The following ARHGEF9 variants were observed in gnomAD, a reference collection of about 807,000 sequenced individuals.
ARHGEF9 encodes rho guanine nucleotide exchange factor 9.
ARHGEF9 carries 2 observed loss-of-function variants against 41.3 expected under a neutral mutation model. That is an observed-to-expected ratio of 0.05 (90% confidence interval 0.02 to 0.15). The LOEUF (loss-of-function observed/expected upper bound fraction) is 0.15. Among genes scored for constraint, ARHGEF9 ranks in the 10% least tolerant of loss-of-function variants. ARHGEF9 has a pLI of 1.00. For missense variants in ARHGEF9, 225 were observed against 424.7 expected (o/e 0.53, Z 4.13); for synonymous variants, 160 against 154.4 (o/e 1.04, Z -0.27).
chrX:63,746,706 C>T (rs1228385533), intron 1 of ARHGEF9, among the ~76,000 whole-genome samples: 2 of 112,402 alleles, frequency 1.8e-5, no homozygotes, highest in African/African-American at 6.5e-5. Context: ...AAGTGAATGG[C>T]TACTTAAAAT....
chrX:63,779,266 A>T (rs781924953), intron 1 of ARHGEF9, among the ~76,000 whole-genome samples: 1 of 112,056 alleles, frequency 8.9e-6, no homozygotes, highest in African/African-American at 3.2e-5. Flanking sequence ...CCATTTTCAT[A>T]CTGCTATGAA....
intron 8 of ARHGEF9, among the ~76,000 whole-genome samples, chrX:63,647,173 C>T (rs144819062): frequency 6.6e-4 from 74 of 111,487 alleles, no homozygotes; most frequent in Non-Finnish European, 1.2e-3. Context: ...ATGTCATCTG[C>T]AAACAGGGAC....
chrX:63,658,629 C>T (rs1176798107), intron 7 of ARHGEF9, among the ~76,000 whole-genome samples: 1 of 111,944 alleles, frequency 8.9e-6, no homozygotes, highest in African/African-American at 3.2e-5. Flanking sequence ...AAATACAGCC[C>T]TGAGCTTTCT....
At chrX:63,741,002 T>A (rs2054919154) in intron 1 of ARHGEF9, among the ~76,000 whole-genome samples, 1 of 112,606 alleles carries the variant, frequency 8.9e-6, no homozygotes, top group Admixed American at 9.3e-5. Context: ...CGCTTATGCA[T>A]CCTACCACTT....
intron 1 of ARHGEF9, among the ~76,000 whole-genome samples, chrX:63,757,928 C>A (rs2055964032): frequency 8.9e-6 from 1 of 112,281 alleles, no homozygotes; most frequent in Admixed American, 9.4e-5. Flanking sequence ...AGCCAGCGTT[C>A]TGGATATGAC....
intron 2 of ARHGEF9, among the ~76,000 whole-genome samples, chrX:63,712,392 T>C (rs1384876028): frequency 8.9e-6 from 1 of 112,006 alleles, no homozygotes; most frequent in Non-Finnish European, 1.9e-5. Context: ...AATTGATGAA[T>C]GGATAAACCA....
intron 7 of ARHGEF9, among the ~76,000 whole-genome samples, chrX:63,662,035 C>T (rs782491894): frequency 5.4e-5 from 6 of 111,383 alleles, no homozygotes; most frequent in Admixed American, 3.8e-4. Context: ...TGATGGGGAC[C>T]TCACTACTTT....
chrX:63,684,552 C>T (rs2050859646), intron 4 of ARHGEF9, among the ~76,000 whole-genome samples: 1 of 111,145 alleles, frequency 9.0e-6, no homozygotes, highest in South Asian at 3.8e-4. Flanking sequence ...AATGCACTCA[C>T]TACCTTGTAA....
intron 5 of ARHGEF9, among the ~76,000 whole-genome samples, chrX:63,675,298 C>T (rs1353223654): frequency 9.8e-5 from 11 of 112,111 alleles, no homozygotes; most frequent in Admixed American, 6.6e-4. Flanking sequence ...GTATAGACCA[C>T]CTTATCATCT....
At chrX:63,711,408 C>G (rs2052923746) in intron 2 of ARHGEF9, among the ~76,000 whole-genome samples, 1 of 111,553 alleles carries the variant, frequency 9.0e-6, no homozygotes, top group Non-Finnish European at 1.9e-5. Context: ...TCAAAACTTA[C>G]TACAAACCTA....
chrX:63,671,982 G>T (rs1379050895), intron 6 of ARHGEF9, among the ~76,000 whole-genome samples: 2 of 112,045 alleles, frequency 1.8e-5, no homozygotes, highest in African/African-American at 6.5e-5. Flanking sequence ...CTTACAAATT[G>T]CTATAGGCTG....
intron 2 of ARHGEF9, chrX:63,712,906 C>A (rs782114989): frequency 3.6e-5 from 4 of 111,295 alleles, no homozygotes; most frequent in Admixed American, 9.5e-5. Context: ...AATAGACTCA[C>A]CATTGTTCCA....
chrX:63,674,107 G>A lies in ARHGEF9; in HGVS notation c.876C>T (p.Asn292=), dbSNP rs147999644. The stretch of plus-strand genomic sequence containing the variant: ...TATTCTCTAAACGTCGCTTGCGTTC[G>A]TTGATCTGCTGAGTCACATTTCTCA... ...AVMRNVTQQI[N]ERKRRLENID... The change falls in exon 6 of 10, where the codon AAC becomes AAT. Residue 292 remains asparagine (N), a synonymous_variant. Coordinates refer to ENST00000671741, the MANE Select transcript of ARHGEF9 (RefSeq NM_001353921.2). The A allele has an allele frequency of 8.3e-6, 10 of 1,209,029 alleles. No homozygotes were observed. Among genetic ancestry groups the A allele is most frequent in the Non-Finnish European group, 1.1e-5 (10 of 894,648 alleles).
chrX:63,757,853 G>A (rs1414266261), intron 1 of ARHGEF9, among the ~76,000 whole-genome samples: 1 of 112,246 alleles, frequency 8.9e-6, no homozygotes, highest in Non-Finnish European at 1.9e-5. Context: ...TTCCTATATT[G>A]CTGAAAAGCT....
rs2054167470 is a variant in ARHGEF9 at position 63,729,728 on chromosome X, C to T, written c.31-5017G>A. Among the ~76,000 whole-genome samples the T allele has an allele frequency of 2.7e-5, 3 of 111,432 alleles. No individual in the cohort carries two copies. The South Asian group carries it at 1.1e-3, about 43-fold the overall frequency. ...TACTGTGGCTTCTAACAAAATAATT[C>T]CCAATCCCCAGGACATTTCAGAGGA... On this transcript the variant is annotated intron_variant, in intron 1 of 9. Transcript: ENST00000671741.
chrX:63,755,306 C>T, intron 1 of ARHGEF9: 1 of 844,683 alleles, frequency 1.2e-6, no homozygotes, highest in Non-Finnish European at 1.5e-6. Flanking sequence ...AGCCTCAAGG[C>T]TCCCAAGCAA....
intron 2 of ARHGEF9, among the ~76,000 whole-genome samples, chrX:63,723,815 G>C (rs1339611904): frequency 8.9e-6 from 1 of 112,102 alleles, no homozygotes; most frequent in Admixed American, 9.4e-5. Flanking sequence ...AAACTGCTGA[G>C]AAATTCCTCC....
rs1440208558 is a variant in ARHGEF9, at chrX:63,635,255, T to C, written c.*2773A>G. ...TAGAACTCTCTTGTTGCTGTTCTTA[T>C]AGATCCATTAGAAATATACACATAG... On this transcript the variant is annotated 3_prime_UTR_variant, in exon 10 of 10. Transcript: ENST00000671741. The C allele has an allele frequency of 4.1e-6, 2 of 491,337 alleles. No homozygotes were observed. The highest frequency in any genetic ancestry group is 7.3e-6 in the Non-Finnish European group (2 of 273,541). The allele number at this position is 491,337 out of a possible 1,213,427, so 40.5% of individuals were successfully genotyped here.
intron 8 of ARHGEF9, among the ~76,000 whole-genome samples, chrX:63,653,247 AG>A (rs2048667733): frequency 9.0e-6 from 1 of 111,553 alleles, no homozygotes; most frequent in South Asian, 3.8e-4. Context: ...TGTGCACCAC[AG>A]CTTTAGCCCA....
Sources: gnomAD v4.1 joint callset for allele counts (sites outside exome capture counted in the v4.1 genomes callset) on GRCh38, gnomAD v4.1.1 for gene constraint, MANE v1.5 for transcripts, NCBI Gene and HGNC (gene_info 2026-07-23, HGNC 2026-07-21) for gene names.